The following TMTC1 variants were observed in gnomAD, a reference collection of about 807,000 sequenced individuals.
The protein encoded by TMTC1 is transmembrane O-mannosyltransferase targeting cadherins 1.
TMTC1 carries 73 observed loss-of-function variants against 104.8 expected under a neutral mutation model. That is an observed-to-expected ratio of 0.70 (90% CI 0.58 to 0.85). The LOEUF (loss-of-function observed/expected upper bound fraction) is 0.85, where lower values mean the gene tolerates loss of function less well. Ranked by LOEUF, TMTC1 falls within the 40% of genes least tolerant of loss-of-function variation. TMTC1 has a pLI of 0.00. For missense variants in TMTC1, 1,035 were observed against 1,096.1 expected, an observed-to-expected ratio of 0.94 and a Z score of 0.79; for synonymous variants, 434 against 428.7, an observed-to-expected ratio of 1.01 and a Z score of -0.15.
intron 11 of TMTC1, among the ~76,000 whole-genome samples, chr12:29,531,522 T>C (rs1010275943): frequency 6.6e-6 from 1 of 152,226 alleles, no homozygotes; most frequent in Non-Finnish European, 1.5e-5. Flanking sequence ...TAAACAATGT[T>C]AATTTTATTT....
At chr12:29,606,139 T>G (rs531416118) in intron 6 of TMTC1, among the ~76,000 whole-genome samples, 9 of 152,304 alleles carry the variant, frequency 5.9e-5, no homozygotes, top group South Asian at 4.1e-4. Context: ...TGATTCCATG[T>G]CTTTGCTATT....
At position 29,501,863 on chromosome 12, in the gene TMTC1, G is replaced by A. The variant is rs1186346067; in HGVS notation, c.*4983C>T. ...TTGTTATAAAGATCTTATCAATTCT[G>A]TTGTGCCACTTTGATTGATATTAAA... On this transcript the variant is annotated 3_prime_UTR_variant, in exon 18 of 18. Coordinates refer to ENST00000539277, the MANE Select transcript of TMTC1 (RefSeq NM_001193451.2). 1 of 152,042 alleles carries A rather than the reference G, an allele frequency of 6.6e-6. No individual in the cohort carries two copies. Among genetic ancestry groups the A allele is most frequent in the Non-Finnish European group, 1.5e-5 (1 of 68,014 alleles). 9.4% of individuals were successfully genotyped at this position (152,042 alleles called of 1,614,324 possible). A position where few individuals can be genotyped will look rare whatever the true frequency, so the allele number is the denominator to read the frequency against.
intron 5 of TMTC1, among the ~76,000 whole-genome samples, chr12:29,690,273 T>C (rs1941227652): frequency 1.3e-5 from 2 of 152,210 alleles, no homozygotes; most frequent in Admixed American, 1.3e-4. Context: ...GTTTTAAACA[T>C]ATTGCTTTCC....
chr12:29,673,147 T>C (rs1281322452), intron 5 of TMTC1, among the ~76,000 whole-genome samples: 1 of 152,240 alleles, frequency 6.6e-6, no homozygotes, highest in Non-Finnish European at 1.5e-5. Flanking sequence ...ATTTTTTGCA[T>C]TGAGGGGAGA....
At chr12:29,704,225 A>G (rs1480425135) in intron 5 of TMTC1, among the ~76,000 whole-genome samples, 1 of 152,240 alleles carries the variant, frequency 6.6e-6, no homozygotes, top group Admixed American at 6.5e-5. Flanking sequence ...AAAACATAGT[A>G]GTACCATGGT....
Position 29,597,699 on chromosome 12 carries a change from T to G in TMTC1, c.1250+6479A>C, listed in dbSNP as rs535852772. 4.6e-5 allele frequency among the ~76,000 whole-genome samples: 7 copies of G among 151,694 alleles called. No individual in the cohort carries two copies. In the South Asian group the frequency reaches 1.3e-3, roughly 27 times the overall value. On this transcript the variant is annotated intron_variant, in intron 7 of 17. Coordinates refer to ENST00000539277, the MANE Select transcript of TMTC1 (RefSeq NM_001193451.2). ...AAGCACCCTTTTTACAGAGCTATGCTGAATCACAAAACAGTTAAAATTTGG... is the reference window on the plus strand; with the variant it reads ...AAGCACCCTTTTTACAGAGCTATGCGGAATCACAAAACAGTTAAAATTTGG...
At chr12:29,635,128 G>C (rs1025642413) in intron 5 of TMTC1, among the ~76,000 whole-genome samples, 3 of 151,774 alleles carry the variant, frequency 2.0e-5, no homozygotes, top group Non-Finnish European at 4.4e-5. Context: ...TATACAAATA[G>C]AGTAGTATAT....
intron 5 of TMTC1, among the ~76,000 whole-genome samples, chr12:29,664,152 A>C (rs1225223907): frequency 6.6e-6 from 1 of 151,312 alleles, no homozygotes; most frequent in South Asian, 2.1e-4. Flanking sequence ...CCGCCACTGC[A>C]CTCCAGCCTG....
At position 29,777,470 on chromosome 12, in the gene TMTC1, C is replaced by A. The variant is rs191532346; in HGVS notation, c.302+5980G>T. On this transcript the variant is annotated intron_variant, in intron 1 of 17. Transcript: ENST00000539277. Reference sequence around the variant, plus strand: ...ATATGAATGTAGCTCCAAAGAAAGACAGAAAAGACATTGGTTGGTAATAAT... The same window carrying A: ...ATATGAATGTAGCTCCAAAGAAAGAAAGAAAAGACATTGGTTGGTAATAAT... Among the ~76,000 whole-genome samples the A allele has an allele frequency of 2.2e-4, 34 of 152,234 alleles. No individual in the cohort carries two copies. In the East Asian group the frequency reaches 5.0e-3, roughly 22 times the overall value.
chr12:29,659,868 A>G, intron 5 of TMTC1: 4 of 1,512,474 alleles, frequency 2.6e-6, no homozygotes, highest in Non-Finnish European at 2.6e-6. Flanking sequence ...TAAAAAAATT[A>G]TTTATACTAA....
At chr12:29,608,343 G>GA (rs1402226095) in intron 6 of TMTC1, among the ~76,000 whole-genome samples, 5 of 151,954 alleles carry the variant, frequency 3.3e-5, no homozygotes, top group Non-Finnish European at 7.4e-5. Context: ...AATATGAGGA[G>GA]AAAAAAGAGG....
At position 29,659,821 on chromosome 12, in the gene TMTC1, T is replaced by C. The variant is rs993843788; in HGVS notation, c.939-26485A>G. ...CAATATGCAAAGTCAGCCTGTAATT[T>C]AAGATTACTCAAAATTATCTAATAA... On this transcript the variant is annotated intron_variant, in intron 5 of 17. Coordinates refer to ENST00000539277, the MANE Select transcript of TMTC1 (RefSeq NM_001193451.2). 6.1e-6 allele frequency: 8 copies of C among 1,316,188 alleles called. No individual in the cohort carries two copies. The East Asian group carries it at 2.0e-4, about 33-fold the overall frequency. The allele number at this position is 1,316,188 out of a possible 1,614,324, so 81.5% of individuals were successfully genotyped here.
intron 5 of TMTC1, among the ~76,000 whole-genome samples, chr12:29,644,496 C>T (rs1239279449): frequency 6.6e-6 from 1 of 151,896 alleles, no homozygotes; most frequent in Non-Finnish European, 1.5e-5. Context: ...CCACCTGTAC[C>T]ACCAATAACC....
intron 7 of TMTC1, among the ~76,000 whole-genome samples, chr12:29,592,961 C>T (rs1021740203): frequency 5.9e-5 from 9 of 152,158 alleles, no homozygotes; most frequent in African/African-American, 2.2e-4. Context: ...TCCTAAGGCC[C>T]AGAGGACTCT....
At chr12:29,612,768 T>C (rs1009745220) in intron 6 of TMTC1, among the ~76,000 whole-genome samples, 29 of 152,222 alleles carry the variant, frequency 1.9e-4, no homozygotes, top group African/African-American at 7.0e-4. Context: ...ATACATATCC[T>C]CTGATCACAG....
chr12:29,645,593 G>A (rs1939232319), intron 5 of TMTC1, among the ~76,000 whole-genome samples: 1 of 151,974 alleles, frequency 6.6e-6, no homozygotes, highest in South Asian at 2.1e-4. Context: ...CCATATATCT[G>A]CAAAAAAGGA....
chr12:29,696,247 C>A (rs1941420774), intron 5 of TMTC1, among the ~76,000 whole-genome samples: 1 of 152,114 alleles, frequency 6.6e-6, no homozygotes, highest in Non-Finnish European at 1.5e-5. Context: ...ATACATCTAG[C>A]TCTAAGTCAC....
At chr12:29,748,581 A>G (rs1943013320) in intron 5 of TMTC1, among the ~76,000 whole-genome samples, 1 of 152,240 alleles carries the variant, frequency 6.6e-6, no homozygotes, top group African/African-American at 2.4e-5. Context: ...TTTAACCTCT[A>G]AGCCTCAGTT....
intron 5 of TMTC1, among the ~76,000 whole-genome samples, chr12:29,644,102 TAA>T (rs1370758433): frequency 0.028 from 2,123 of 76,908 alleles, 84 homozygotes; most frequent in Admixed American, 0.041. Flanking sequence ...TATAAATATA[TAA>T]ATATATATGT....
Sources: gnomAD v4.1 joint callset for allele counts (sites outside exome capture counted in the v4.1 genomes callset) on GRCh38, gnomAD v4.1.1 for gene constraint, MANE v1.5 for transcripts, NCBI Gene and HGNC (gene_info 2026-07-23, HGNC 2026-07-21) for gene names.